Variants in BFSP1 observed in about 807,000 individuals in gnomAD.
BFSP1 encodes the protein beaded filament structural protein 1, also known as filensin.
In BFSP1, 38 loss-of-function variants were observed where a neutral mutation model predicts 43.9. The observed-to-expected ratio is 0.87, with a 90% CI of 0.67 to 1.14. The LOEUF is 1.14. Ranked by LOEUF, BFSP1 falls within the 50% of genes most tolerant of loss-of-function variation. The pLI, the probability that BFSP1 is intolerant of heterozygous loss-of-function variation, is 0.00. For synonymous variants in BFSP1, 352 were observed against 354.8 expected (o/e 0.99, Z 0.09); for missense variants, 850 against 875.1 (o/e 0.97, Z 0.36).
At position 17,552,937 on chromosome 20, in the gene BFSP1, A is replaced by T. The variant is rs551451256; in HGVS notation, c.2+5751T>A. On this transcript the variant is annotated intron_variant, in intron 1 of 7. Transcript: ENST00000377868. ...TGGAGAGAGGTCAAGGACAGACATAAATTTGGGAACCAACAGCAGAGAGAA... is the reference window on the plus strand; with the variant it reads ...TGGAGAGAGGTCAAGGACAGACATATATTTGGGAACCAACAGCAGAGAGAA... 3.3e-5 allele frequency among the ~76,000 whole-genome samples: 5 copies of T among 152,334 alleles called. No individual in the cohort carries two copies. The East Asian group carries it at 5.8e-4, about 18-fold the overall frequency.
chr20:17,567,198 TA>T (rs920871347), intron 1 of BFSP1, among the ~76,000 whole-genome samples: 2 of 151,784 alleles, frequency 1.3e-5, no homozygotes, highest in African/African-American at 4.8e-5. Context: ...CAGTGGGACC[TA>T]AAAAAAATGG....
At chr20:17,530,363 C>T (rs549171681) in intron 1 of BFSP1, among the ~76,000 whole-genome samples, 1 of 152,358 alleles carries the variant, frequency 6.6e-6, no homozygotes, top group African/African-American at 2.4e-5. Context: ...CCTCAGTCGC[C>T]TCATCTGTAA....
In BFSP1 at chr20:17,530,996, G is replaced by A. The variant is rs2034521476; in HGVS notation, c.334C>T (p.Gln112Ter). Residue 112 changes from glutamine (Q) to a stop codon, truncating the protein, a stop_gained, in exon 1 of 8, where the codon CAG (glutamine) becomes TAG (stop). Coordinates refer to ENST00000377873, the MANE Select transcript of BFSP1 (RefSeq NM_001195.5). LOFTEE classifies it high-confidence loss of function. ...LEAERARLER[Q>*]GTEAQRALDE... The stretch of plus-strand genomic sequence containing the variant: ...AGCGCGCGCTGCGCCTCGGTGCCCT[G>A]GCGCTCCAGCCGGGCGCGCTCGGCC... 1.4e-6 allele frequency: 2 copies of A among 1,440,176 alleles called. No homozygotes were observed. The highest frequency in any genetic ancestry group is 3.0e-5 in the African/African-American group (2 of 67,348). 89.2% of individuals were successfully genotyped at this position (1,440,176 alleles called of 1,614,324 possible).
At chr20:17,502,886 T>G (rs1207711137) in intron 5 of BFSP1, among the ~76,000 whole-genome samples, 1 of 152,058 alleles carries the variant, frequency 6.6e-6, no homozygotes, top group African/African-American at 2.4e-5. Context: ...ATATGGGGAT[T>G]GAAAAGACCC....
chr20:17,561,181 A>G (rs1283991620), upstream of BFSP1, among the ~76,000 whole-genome samples: 3 of 152,210 alleles, frequency 2.0e-5, no homozygotes, highest in Non-Finnish European at 4.4e-5. Context: ...GAAGTACAAC[A>G]ACCGGATCAG....
chr20:17,557,999 C>T (rs1468209265), intron 1 of BFSP1, among the ~76,000 whole-genome samples: 1 of 152,046 alleles, frequency 6.6e-6, no homozygotes, highest in African/African-American at 2.4e-5. Flanking sequence ...AATAAAAACT[C>T]GACTCAGGAG....
intron 2 of BFSP1, chr20:17,516,910 T>A: frequency 1.4e-6 from 1 of 692,854 alleles, no homozygotes; most frequent in South Asian, 1.6e-5. Context: ...TCAGATACGA[T>A]AGAAAATATA....
At chr20:17,557,240 C>T (rs979254246) in intron 1 of BFSP1, among the ~76,000 whole-genome samples, 18 of 152,240 alleles carry the variant, frequency 1.2e-4, no homozygotes, top group African/African-American at 3.4e-4. Flanking sequence ...CCAGGTCCCA[C>T]GTCAATCTCT....
upstream of BFSP1, among the ~76,000 whole-genome samples, chr20:17,535,365 C>A (rs2034609832): frequency 6.6e-6 from 1 of 152,084 alleles, no homozygotes; most frequent in Non-Finnish European, 1.5e-5. Context: ...CCCATCTGTA[C>A]TAAAAATACA....
intron 6 of BFSP1, 100 bp downstream of exon 6, chr20:17,498,720 C>T (rs2033715088): frequency 2.2e-6 from 3 of 1,349,334 alleles, no homozygotes; most frequent in Admixed American, 2.1e-5. Flanking sequence ...CCTTCCCTGA[C>T]ACATGCCCAC....
At chr20:17,531,547 C>G (rs1368066791), upstream of BFSP1, among the ~76,000 whole-genome samples, 1 of 152,202 alleles carries the variant, frequency 6.6e-6, no homozygotes, top group South Asian at 2.1e-4. Context: ...CATACAGCTC[C>G]GGGGTTGGAA....
Position 17,517,351 on chromosome 20 carries a change from A to G in BFSP1, c.439-2535T>C. 1.1e-5 allele frequency: 11 copies of G among 988,246 alleles called. No individual in the cohort carries two copies. In the South Asian group the frequency reaches 1.4e-4, roughly 13 times the overall value. The allele number at this position is 988,246 out of a possible 1,614,324, so 61.2% of individuals were successfully genotyped here. A position where few individuals can be genotyped will look rare whatever the true frequency, so the allele number is the denominator to read the frequency against. On this transcript the variant is annotated intron_variant, in intron 2 of 7. Coordinates refer to ENST00000377873, the MANE Select transcript of BFSP1 (RefSeq NM_001195.5). ...AAAGACATGAACTAACAAACAAAACAAAACAAACAAACAAACAAAATCATT... is the reference window on the plus strand; with the variant it reads ...AAAGACATGAACTAACAAACAAAACGAAACAAACAAACAAACAAAATCATT...
At chr20:17,508,575 T>G (rs1233677830) in intron 5 of BFSP1, among the ~76,000 whole-genome samples, 1 of 152,124 alleles carries the variant, frequency 6.6e-6, no homozygotes, top group Non-Finnish European at 1.5e-5. Context: ...ATGTAGACAC[T>G]GGGGCAGCCT....
chr20:17,559,951 G>C (rs970120482), upstream of BFSP1, among the ~76,000 whole-genome samples: 1 of 152,126 alleles, frequency 6.6e-6, no homozygotes, highest in African/African-American at 2.4e-5. Context: ...GAGCAAAACA[G>C]TTACAGTAAA....
chr20:17,563,840 C>T (rs151079318), upstream of BFSP1, among the ~76,000 whole-genome samples: 16 of 140,846 alleles, frequency 1.1e-4, no homozygotes, highest in East Asian at 2.8e-3. Context: ...GAGCGGTGAT[C>T]GTGCCACTGT....
intron 1 of BFSP1, among the ~76,000 whole-genome samples, chr20:17,544,450 C>G (rs1320352281): frequency 2.6e-5 from 4 of 152,078 alleles, no homozygotes; most frequent in African/African-American, 7.2e-5. Context: ...CTGCTACAGC[C>G]CCACATTATT....
intron 1 of BFSP1, among the ~76,000 whole-genome samples, chr20:17,567,387 G>C (rs2035131305): frequency 6.6e-6 from 1 of 152,116 alleles, no homozygotes; most frequent in African/African-American, 2.4e-5. Flanking sequence ...CAGCTATCTG[G>C]TAGTAATGGA....
At chr20:17,556,548 ACTAT>A (rs1212556501) in intron 1 of BFSP1, among the ~76,000 whole-genome samples, 1 of 152,072 alleles carries the variant, frequency 6.6e-6, no homozygotes, top group Non-Finnish European at 1.5e-5. Flanking sequence ...GGAACACAAA[ACTAT>A]CTATTACTAT....
In BFSP1 at chr20:17,531,055, A is replaced by T; in HGVS notation, c.275T>A (p.Val92Asp). Residue 92 changes from valine to aspartate, a missense_variant, in exon 1 of 8, where the codon GTC becomes GAC. Val to Asp is a radical substitution (Grantham distance 152). Transcript: ENST00000377873. ...CCGGACGCGCTGGCGGTTGCTCTCGACTTGGCGGGCGAGGGCGTCCTCGGG... is the reference window on the plus strand; with the variant it reads ...CCGGACGCGCTGGCGGTTGCTCTCGTCTTGGCGGGCGAGGGCGTCCTCGGG... ...AGPEDALARQ[V>D]ESNRQRVRDL... 7.1e-7 allele frequency: 1 copy of T among 1,409,024 alleles called. No individual in the cohort carries two copies. Among genetic ancestry groups the T allele is most frequent in the South Asian group, 1.5e-5 (1 of 67,288 alleles). The allele number at this position is 1,409,024 out of a possible 1,614,324, so 87.3% of individuals were successfully genotyped here.
Sources: allele counts gnomAD v4.1 joint callset (sites outside exome capture counted in the v4.1 genomes callset), GRCh38; gene constraint gnomAD v4.1.1; transcripts MANE v1.5; gene names NCBI Gene and HGNC (gene_info 2026-07-23, HGNC 2026-07-21).